The following KCNMA1 variants were observed in gnomAD, a reference collection of about 807,000 sequenced individuals.
KCNMA1 encodes potassium calcium-activated channel subfamily M alpha 1, also known as Calcium-activated potassium channel subunit alpha-1.
Under a neutral mutation model 140.0 loss-of-function variants are expected in KCNMA1, and 29 were observed. That is an observed-to-expected ratio of 0.21 (90% CI 0.15 to 0.28). The LOEUF (loss-of-function observed/expected upper bound fraction) is 0.28. KCNMA1 is among the 10% of genes least tolerant of loss of function. The probability of loss-of-function intolerance (pLI) is 1.00; values close to 1 mark genes in which losing one functional copy is unlikely to be tolerated. For missense variants in KCNMA1, 880 were observed against 1,602.2 expected, an observed-to-expected ratio of 0.55 and a Z score of 7.70; for synonymous variants, 612 against 611.9, an observed-to-expected ratio of 1.00 and a Z score of 0.00.
intron 25 of KCNMA1, 23 bp downstream of exon 25, chr10:76,909,943 G>A (rs199702707): frequency 2.5e-5 from 40 of 1,611,322 alleles, no homozygotes; most frequent in Admixed American, 5.0e-5. Context: ...CTTGAGTGAG[G>A]AGGAGGGAAC....
chr10:77,525,857 T>C (rs1021206673), intron 1 of KCNMA1, among the ~76,000 whole-genome samples: 6 of 152,186 alleles, frequency 3.9e-5, no homozygotes. Flanking sequence ...TCAGATAAAC[T>C]GACCCCATTC....
chr10:76,895,157 C>A (rs968190925), intron 25 of KCNMA1, among the ~76,000 whole-genome samples: 12 of 152,156 alleles, frequency 7.9e-5, no homozygotes, highest in East Asian at 1.9e-4. Flanking sequence ...GTCACGTACC[C>A]CCTGCTTGCT....
At chr10:77,168,396 T>A (rs1369093298) in intron 5 of KCNMA1, among the ~76,000 whole-genome samples, 1 of 152,140 alleles carries the variant, frequency 6.6e-6, no homozygotes, top group Non-Finnish European at 1.5e-5. Context: ...TGAGCAAACA[T>A]CATAAAGTAC....
intron 1 of KCNMA1, among the ~76,000 whole-genome samples, chr10:77,614,271 C>A (rs61854670): frequency 0.029 from 4,484 of 152,306 alleles, 131 homozygotes; most frequent in Non-Finnish European, 0.047. Context: ...ATTCGCCCAC[C>A]ATCTACCAAA....
chr10:77,206,968 A>T (rs1248337410), intron 3 of KCNMA1, among the ~76,000 whole-genome samples: 2 of 152,110 alleles, frequency 1.3e-5, no homozygotes, highest in Non-Finnish European at 2.9e-5. Flanking sequence ...TGTACTCACA[A>T]AAAGGATTTT....
Position 77,463,530 on chromosome 10 carries a change from G to A in KCNMA1, c.379-59507C>T, listed in dbSNP as rs148618998. On this transcript the variant is annotated intron_variant, in intron 1 of 27. Transcript: ENST00000286628. The stretch of plus-strand genomic sequence containing the variant: ...CCTCCCTGATGAGCAGAGAGGAGCC[G>A]CTCTGCAAGTTAAGTAATTGATGGA... Among the ~76,000 whole-genome samples, 113 of 152,242 alleles carry A rather than the reference G, an allele frequency of 7.4e-4. 2 individuals are homozygous for A. In the East Asian group the frequency reaches 0.018, roughly 25 times the overall value.
intron 25 of KCNMA1, chr10:76,901,477 T>C (rs1161467366): frequency 6.6e-5 from 10 of 152,210 alleles, no homozygotes; most frequent in Non-Finnish European, 1.0e-4. Flanking sequence ...TGGGAGGTTA[T>C]TGTTTTGTCA....
chr10:76,943,742 G>A (rs1285976771), intron 23 of KCNMA1, among the ~76,000 whole-genome samples: 1 of 152,206 alleles, frequency 6.6e-6, no homozygotes, highest in Non-Finnish European at 1.5e-5. Flanking sequence ...AATGTTAGAA[G>A]GCAGTGGTGG....
intron 5 of KCNMA1, among the ~76,000 whole-genome samples, chr10:77,158,544 C>G (rs748200759): frequency 3.9e-5 from 6 of 152,136 alleles, no homozygotes; most frequent in Admixed American, 6.5e-5. Flanking sequence ...ATAGTCCCCC[C>G]CTCCATGATT....
chr10:77,067,517 C>G (rs1247765), intron 14 of KCNMA1, among the ~76,000 whole-genome samples: 152,095 of 152,322 alleles, frequency 1, 75,934 homozygotes, highest in East Asian at 1. Flanking sequence ...CACACACACA[C>G]AGAGACACCA....
rs1566785043 is a variant in KCNMA1 at position 77,427,714 on chromosome 10, TCCATTCA to T, written c.379-23698_379-23692del. On this transcript the variant is annotated intron_variant, in intron 1 of 27. Transcript: ENST00000286628. ...TAAGTCATCCAATCCTGAGCATCCATCCATTCATTTATTTATTTATTTATTTATTTAT... is the reference window on the plus strand; with the variant it reads ...TAAGTCATCCAATCCTGAGCATCCATTTTATTTATTTATTTATTTATTTAT... Among the ~76,000 whole-genome samples, 695 of 106,106 alleles carry T rather than the reference TCCATTCA, an allele frequency of 6.6e-3. 3 individuals are homozygous for T. Among genetic ancestry groups the T allele is most frequent in the Middle Eastern group, 0.044 (8 of 182 alleles). 69.6% of individuals were successfully genotyped at this position (106,106 alleles called of 152,430 possible). A position where few individuals can be genotyped will look rare whatever the true frequency, so the allele number is the denominator to read the frequency against.
intron 2 of KCNMA1, among the ~76,000 whole-genome samples, chr10:77,302,730 G>T (rs55728469): frequency 2.0e-5 from 3 of 152,268 alleles, no homozygotes; most frequent in Non-Finnish European, 2.9e-5. Flanking sequence ...TATGGGCTCA[G>T]AAAGGGGATG....
chr10:77,349,095 T>C (rs2092563951), intron 2 of KCNMA1, among the ~76,000 whole-genome samples: 1 of 152,226 alleles, frequency 6.6e-6, no homozygotes, highest in African/African-American at 2.4e-5. Flanking sequence ...TGAATGTTTA[T>C]GCCTGCCCAC....
chr10:77,072,946 G>A, intron 14 of KCNMA1, 151 bp downstream of exon 14: 1 of 704,408 alleles, frequency 1.4e-6, no homozygotes, highest in Non-Finnish European at 2.5e-6. Context: ...GAAAGAAGTT[G>A]GCTTCATGCC....
intron 1 of KCNMA1, among the ~76,000 whole-genome samples, chr10:77,457,128 G>A (rs532706413): frequency 1.3e-5 from 2 of 152,238 alleles, no homozygotes; most frequent in East Asian, 3.9e-4. Flanking sequence ...CACAGCCCCA[G>A]GATGACAGCC....
At chr10:77,067,856 C>G (rs980556091) in intron 14 of KCNMA1, among the ~76,000 whole-genome samples, 1 of 152,208 alleles carries the variant, frequency 6.6e-6, no homozygotes, top group African/African-American at 2.4e-5. Flanking sequence ...CTTACCAGAG[C>G]TTCCTAGACC....
At chr10:77,242,844 A>G (rs1163409999) in intron 3 of KCNMA1, among the ~76,000 whole-genome samples, 1 of 150,856 alleles carries the variant, frequency 6.6e-6, no homozygotes, top group East Asian at 2.0e-4. Context: ...CTGGTGGCCA[A>G]TTCCCCCATG....
chr10:77,180,564 A>C (rs891025317), intron 5 of KCNMA1, among the ~76,000 whole-genome samples: 4 of 152,184 alleles, frequency 2.6e-5, no homozygotes, highest in African/African-American at 9.7e-5. Context: ...GTTCAATTTC[A>C]ATAGTACTTA....
chr10:77,355,769 T>G (rs1208214996), intron 2 of KCNMA1, among the ~76,000 whole-genome samples: 1 of 152,226 alleles, frequency 6.6e-6, no homozygotes, highest in Non-Finnish European at 1.5e-5. Context: ...CTATTTGTGT[T>G]AGGAGTTCTA....
Sources: gnomAD v4.1 joint callset for allele counts (sites outside exome capture counted in the v4.1 genomes callset) on GRCh38, gnomAD v4.1.1 for gene constraint, MANE v1.5 for transcripts, NCBI Gene and HGNC (gene_info 2026-07-23, HGNC 2026-07-21) for gene names.